The following DHRS4L2 variants were observed in gnomAD, a reference collection of about 807,000 sequenced individuals.
DHRS4L2 encodes dehydrogenase/reductase SDR family member 4-like 2.
A neutral mutation model predicts 23.9 loss-of-function variants in DHRS4L2; 22 were observed. That is an observed-to-expected ratio of 0.92 (90% CI 0.66 to 1.31). The LOEUF (loss-of-function observed/expected upper bound fraction) is 1.31, where lower values mean the gene tolerates loss of function less well. Ranked by LOEUF, DHRS4L2 falls within the 40% of genes most tolerant of loss-of-function variation. The pLI, the probability that DHRS4L2 is intolerant of heterozygous loss-of-function variation, is 0.00. For missense variants in DHRS4L2, 385 were observed against 303.3 expected, an observed-to-expected ratio of 1.27 and a Z score of -2.00; for synonymous variants, 141 against 123.7, an observed-to-expected ratio of 1.14 and a Z score of -0.93.
At position 23,977,746 on chromosome 14, in the gene DHRS4L2, C is replaced by A. The variant is rs1210971532; in HGVS notation, c.-176+7414C>A. 4.6e-5 allele frequency among the ~76,000 whole-genome samples: 7 copies of A among 151,478 alleles called. 1 individual carries two copies. The highest frequency in any genetic ancestry group is 3.2e-3 in the Middle Eastern group (1 of 316). Reference sequence around the variant, plus strand: ...TGACATCATGGAAAAAAACCTCTGGCCTTCTTAATTAATGACCCTTGTTGT... The same window carrying A: ...TGACATCATGGAAAAAAACCTCTGGACTTCTTAATTAATGACCCTTGTTGT... On this transcript the variant is annotated intron_variant, in intron 1 of 5. Coordinates refer to the DHRS4L2 transcript ENST00000534993.
rs148508271 is a variant in DHRS4L2 at position 23,995,048 on chromosome 14, G to A, written c.323G>A (p.Gly108Glu). 1.9e-3 allele frequency: 3,066 copies of A among 1,612,966 alleles called. 51 individuals carry two copies. In the African/African-American group the frequency reaches 0.037, roughly 19 times the overall value. Reference protein sequence around the residue: ...RLVAMAVKLHGGIDILVSNAA... With the variant: ...RLVAMAVKLHEGIDILVSNAA... ...TCTCTCTAGGCTGTGAAGCTTCATG[G>A]AGGTATCGATATCCTAGTCTCCAAT... Residue 108 changes from glycine to glutamate, a missense_variant, in exon 3 of 8, where the codon GGA becomes GAA. Gly to Glu is a moderately conservative substitution (Grantham distance 98, BLOSUM62 -2). Transcript: ENST00000335125.
chr14:23,970,637 C>T (rs2033835718), intron 1 of DHRS4L2, among the ~76,000 whole-genome samples: 1 of 152,074 alleles, frequency 6.6e-6, no homozygotes, highest in African/African-American at 2.4e-5. Flanking sequence ...GCACGGAGTT[C>T]GTGCTCCGAT....
rs143083153 is a variant in DHRS4L2, at chr14:23,995,128, G to A, written c.403G>A (p.Asp135Asn). 8.3e-5 allele frequency: 134 copies of A among 1,612,630 alleles called. No individual in the cohort carries two copies. Among genetic ancestry groups the A allele is most frequent in the Non-Finnish European group, 1.1e-4 (129 of 1,179,324 alleles). The change falls in exon 3 of 8, where the codon GAC becomes AAC. Residue 135 changes from aspartate to asparagine, a missense_variant. By Grantham distance (23) the Asp-to-Asn change is conservative (BLOSUM62 1). Coordinates refer to ENST00000335125, the MANE Select transcript of DHRS4L2 (RefSeq NM_198083.4). ...SLMDVTEEVW[D>N]KTLDINVKAP... The stretch of plus-strand genomic sequence containing the variant: ...AATGGATGTCACCGAGGAGGTGTGG[G>A]ACAAGGTGAGAGGGGATTAAAGAAG...
chr14:23,987,006 G>C (rs942436886), upstream of DHRS4L2, among the ~76,000 whole-genome samples: 1 of 151,848 alleles, frequency 6.6e-6, no homozygotes. Flanking sequence ...TCATCGGGAT[G>C]TGCTGAGTAG....
Position 23,988,981 on chromosome 14 carries a change from T to C in DHRS4L2, c.34T>C (p.Trp12Arg), listed in dbSNP as rs760956544. 1.8e-5 allele frequency: 29 copies of C among 1,611,436 alleles called. 1 individual carries two copies. Among genetic ancestry groups the C allele is most frequent in the Admixed American group, 1.0e-4 (6 of 59,914 alleles). The stretch of plus-strand genomic sequence containing the variant: ...GGCCAGGCTGCTAGGCCTCTGTGCC[T>C]GGGCACGGAAGTCGGTGCGGATGGC... ...QMARLLGLCA[W>R]ARKSVRMASS... The change falls in exon 1 of 8, where the codon TGG becomes CGG. Residue 12 changes from tryptophan to arginine, a missense_variant. Trp to Arg is a moderately radical substitution (Grantham distance 101). Transcript: ENST00000335125.
At chr14:23,970,632 G>C (rs2033835570) in intron 1 of DHRS4L2, among the ~76,000 whole-genome samples, 1 of 152,076 alleles carries the variant, frequency 6.6e-6, no homozygotes, top group Admixed American at 6.5e-5. Flanking sequence ...TCCCAGCACG[G>C]AGTTCGTGCT....
At chr14:23,977,229 T>C (rs754346822) in intron 1 of DHRS4L2, among the ~76,000 whole-genome samples, 2 of 151,930 alleles carry the variant, frequency 1.3e-5, no homozygotes, top group African/African-American at 2.4e-5. Context: ...TTCTGGGTTC[T>C]TTTTTAAGTA....
intron 1 of DHRS4L2, among the ~76,000 whole-genome samples, chr14:23,972,474 T>G (rs1483298111): frequency 6.6e-6 from 1 of 151,906 alleles, no homozygotes; most frequent in African/African-American, 2.4e-5. Context: ...AAAGGCAGTG[T>G]GGACCCAAAG....
At position 24,004,336 on chromosome 14, in the gene DHRS4L2, G is replaced by A. The variant is rs1179339039; in HGVS notation, c.666-1G>A. The stretch of plus-strand genomic sequence containing the variant: ...TAAAGAGATTTCCCTTCTTCCTACA[G>A]CTCTGGATGGACAAGGAAAAAGAGG... On this transcript the variant is annotated splice_acceptor_variant, in intron 6 of 7. Transcript: ENST00000335125. LOFTEE classifies it high-confidence loss of function. 3 of 1,601,328 alleles carry A rather than the reference G, an allele frequency of 1.9e-6. No individual in the cohort carries two copies. Among genetic ancestry groups the A allele is most frequent in the Non-Finnish European group, 1.7e-6 (2 of 1,178,178 alleles).
chr14:24,004,242 C>G, intron 6 of DHRS4L2, 95 bp from the exon 7 acceptor site: 1 of 1,445,620 alleles, frequency 6.9e-7, no homozygotes. Flanking sequence ...ACAGTCCGGC[C>G]TGGGCAAAAG....
intron 5 of DHRS4L2, 86 bp downstream of exon 5, chr14:24,001,170 C>T: frequency 3.1e-6 from 5 of 1,606,480 alleles, no homozygotes; most frequent in Non-Finnish European, 4.2e-6. Context: ...AGTTTGTGTC[C>T]CCTTGTAGAA....
chr14:24,001,215 C>A, intron 5 of DHRS4L2, 131 bp downstream of exon 5: 2 of 1,582,456 alleles, frequency 1.3e-6, no homozygotes, highest in Non-Finnish European at 1.7e-6. Context: ...AAAATAGATG[C>A]CTTGCCTCCA....
chr14:23,987,633 T>C (rs146453562), upstream of DHRS4L2, among the ~76,000 whole-genome samples: 24 of 151,784 alleles, frequency 1.6e-4, no homozygotes, highest in African/African-American at 5.5e-4. Flanking sequence ...CCCATCTGCT[T>C]TCATCATCTT....
chr14:23,992,469 G>A (rs1214100658), intron 2 of DHRS4L2, among the ~76,000 whole-genome samples: 2 of 151,406 alleles, frequency 1.3e-5, no homozygotes, highest in Non-Finnish European at 2.9e-5. Context: ...CCTGCAATAA[G>A]AAAAGCCACT....
chr14:24,000,238 T>C (rs2034459541), intron 3 of DHRS4L2, among the ~76,000 whole-genome samples: 1 of 148,536 alleles, frequency 6.7e-6, no homozygotes, highest in African/African-American at 2.5e-5. Context: ...AATATTTTAA[T>C]ATAAGCAGTT....
intron 1 of DHRS4L2, among the ~76,000 whole-genome samples, chr14:23,974,009 C>T (rs1235284879): frequency 2.0e-5 from 3 of 151,476 alleles, no homozygotes; most frequent in Non-Finnish European, 4.4e-5. Context: ...TAAAACACTC[C>T]TCAGCAAATG....
In DHRS4L2 at chr14:23,970,155, C is replaced by T. The variant is rs530053627; in HGVS notation, c.-353C>T. On this transcript the variant is annotated 5_prime_UTR_variant, in exon 1 of 6. Transcript: ENST00000534993. ...TTGTAAGGTACGGGACTGCCTCGGT[C>T]TTTGGGACGCCCCGTCTGGTAGCAT... 187 of 455,902 alleles carry T rather than the reference C, an allele frequency of 4.1e-4. 2 individuals are homozygous for T. In the East Asian group the frequency reaches 9.8e-3, roughly 24 times the overall value. 28.2% of individuals were successfully genotyped at this position (455,902 alleles called of 1,614,324 possible).
Position 23,990,243 on chromosome 14 carries a change from C to A in DHRS4L2, c.190C>A (p.Arg64=). 1 of 1,612,828 alleles carries A rather than the reference C, an allele frequency of 6.2e-7. No individual in the cohort carries two copies. Among genetic ancestry groups the A allele is most frequent in the Non-Finnish European group, 8.5e-7 (1 of 1,179,376 alleles). ...QDRAHVVVSS[R]KQQNVDQAVA... ...CAGGGCCCACGTGGTCGTCAGCAGC[C>A]GGAAGCAGCAGAATGTGGACCAGGC... The change falls in exon 2 of 8, where the codon CGG becomes AGG. Residue 64 remains arginine (R), a synonymous_variant. Coordinates refer to ENST00000335125, the MANE Select transcript of DHRS4L2 (RefSeq NM_198083.4).
At chr14:23,976,654 CAT>C in intron 1 of DHRS4L2, among the ~76,000 whole-genome samples, 1 of 151,934 alleles carries the variant, frequency 6.6e-6, no homozygotes, top group African/African-American at 2.4e-5. Flanking sequence ...CACATACACA[CAT>C]ATGTTTATTG....
Sources: allele counts gnomAD v4.1 joint callset (sites outside exome capture counted in the v4.1 genomes callset), GRCh38; gene constraint gnomAD v4.1.1; transcripts MANE v1.5; gene names NCBI Gene and HGNC (gene_info 2026-07-23, HGNC 2026-07-21).